DIP2A: variants seen among roughly 807,000 people sequenced by gnomAD.
DIP2A encodes DIP2 acetate--CoA ligase A.
DIP2A carries 85 observed loss-of-function variants against 177.4 expected under a neutral mutation model. That is an observed-to-expected ratio of 0.48 (90% CI 0.40 to 0.57). The LOEUF is 0.57. Among genes scored for constraint, DIP2A ranks in the 20% least tolerant of loss-of-function variants. The pLI is 0.00. For missense variants in DIP2A, 1,791 were observed against 2,100.2 expected (o/e 0.85, Z 2.88); for synonymous variants, 886 against 881.8 (o/e 1.00, Z -0.08).
At chr21:46,506,924 G>A (rs780286859) in intron 6 of DIP2A, among the ~76,000 whole-genome samples, 6 of 149,170 alleles carry the variant, frequency 4.0e-5, no homozygotes, top group Admixed American at 6.8e-5. Context: ...CCTCAGTCTC[G>A]TGAGTAGCTG....
intron 10 of DIP2A, 69 bp downstream of exon 10, chr21:46,532,306 C>A: frequency 2.3e-6 from 3 of 1,298,308 alleles, no homozygotes; most frequent in Non-Finnish European, 3.3e-6. Flanking sequence ...ATCTTACTTC[C>A]TTTTCACTCA....
chr21:46,524,000 C>T (rs867173816), intron 8 of DIP2A, among the ~76,000 whole-genome samples: 1 of 152,192 alleles, frequency 6.6e-6, no homozygotes, highest in Non-Finnish European at 1.5e-5. Flanking sequence ...ATTGCGGCGA[C>T]GCTGAATCAA....
chr21:46,498,583 C>G lies in DIP2A; in HGVS notation c.405C>G (p.Asp135Glu). 4.4e-6 allele frequency: 7 copies of G among 1,605,058 alleles called. No individual in the cohort carries two copies. Among genetic ancestry groups the G allele is most frequent in the Non-Finnish European group, 6.0e-6 (7 of 1,174,210 alleles). The change falls in exon 5 of 38, where the codon GAC becomes GAG. Residue 135 changes from aspartate to glutamate, a missense_variant and splice_region_variant. Asp to Glu is a conservative substitution (Grantham distance 45). Transcript: ENST00000417564. This position sits in a 1 kb window ranked among gnomAD's most constrained non-coding sequence, Gnocchi z 4.3. ...HSSVETYTPP[D>E]TSSASEDEGS... is the part of the protein sequence containing the mutation. ...CTGTCATCGTTATTTTAACCACAGA[C>G]ACGTCGTCTGCCTCAGAAGATGAGG...
At chr21:46,476,767 C>T (rs1298370037) in intron 1 of DIP2A, among the ~76,000 whole-genome samples, 3 of 151,744 alleles carry the variant, frequency 2.0e-5, no homozygotes, top group Admixed American at 6.6e-5. Flanking sequence ...AGTGATTCTC[C>T]AGTCTCAGCC....
chr21:46,543,019 T>C (rs2148824030), intron 18 of DIP2A, among the ~76,000 whole-genome samples: 1 of 152,318 alleles, frequency 6.6e-6, no homozygotes, highest in East Asian at 1.9e-4. Context: ...AGATGCTGGG[T>C]CCTCATTGAA....
chr21:46,577,742 A>G, the DIP2A span, among the ~76,000 whole-genome samples: 1 of 152,110 alleles, frequency 6.6e-6, no homozygotes, highest in Admixed American at 6.5e-5. Context: ...CATTTTCACG[A>G]TATTGATTCT....
Position 46,551,860 on chromosome 21 carries a change from C to A in DIP2A, c.2986C>A (p.His996Asn). Reference protein sequence around the residue: ...FLADVLQWRAHTTPDHPLFLL... With the variant: ...FLADVLQWRANTTPDHPLFLL... ...GGCTGACGTGCTGCAGTGGCGTGCCCACACCACTCCTGACCACCCGCTGTT... is the reference window on the plus strand; with the variant it reads ...GGCTGACGTGCTGCAGTGGCGTGCCAACACCACTCCTGACCACCCGCTGTT... Residue 996 changes from histidine to asparagine, a missense_variant, in exon 25 of 38, where the codon CAC becomes AAC. Transcript: ENST00000417564. 6.2e-7 allele frequency: 1 copy of A among 1,611,616 alleles called. No individual in the cohort carries two copies. Among genetic ancestry groups the A allele is most frequent in the Non-Finnish European group, 8.5e-7 (1 of 1,179,008 alleles).
rs765532031 is a variant in DIP2A at position 46,532,131 on chromosome 21, C to T, written c.1199C>T (p.Ala400Val). ...EPLLKPGDRVALVFPNSDPVM... is the reference protein window; with the variant it reads ...EPLLKPGDRVVLVFPNSDPVM... ...CATTTCTTTGTCCTGTTGTAGGTGG[C>T]GCTCGTGTTTCCGAATAGTGACCCT... Residue 400 changes from alanine to valine, a missense_variant, in exon 10 of 38, where the codon GCG becomes GTG. Ala to Val is a moderately conservative substitution (Grantham distance 64, BLOSUM62 0). Transcript: ENST00000417564. 1.1e-5 allele frequency: 17 copies of T among 1,612,898 alleles called. No homozygotes were observed. The highest frequency in any genetic ancestry group is 4.5e-5 in the East Asian group (2 of 44,874).
At chr21:46,503,879 C>T (rs1038700243) in intron 5 of DIP2A, among the ~76,000 whole-genome samples, 1 of 152,150 alleles carries the variant, frequency 6.6e-6, no homozygotes. Flanking sequence ...GCATGTGCCA[C>T]GACGCCCGGC....
chr21:46,537,535 T>G lies in DIP2A; in HGVS notation c.1797T>G (p.Tyr599Ter). The G allele has an allele frequency of 1.9e-6, 3 of 1,614,206 alleles. No homozygotes were observed. The highest frequency in any genetic ancestry group is 2.5e-6 in the Non-Finnish European group (3 of 1,180,020). Residue 599 changes from tyrosine to a stop codon, truncating the protein, a stop_gained, in exon 15 of 38, where the codon TAT (tyrosine) becomes TAG (stop). Transcript: ENST00000417564. LOFTEE classifies it high-confidence loss of function. The surrounding 1 kb of genome is among the most constrained non-coding windows in gnomAD (Gnocchi z 4.1). ...CCTGGATCCAGAAAGTGTGCTTCTA[T>G]AAAGGTAACGGATACCATGGTCAGG... Reference protein sequence around the residue: ...PLSWIQKVCFYKARAALVKSR... With the variant: ...PLSWIQKVCF
chr21:46,464,237 C>CA (rs1269469319), intron 1 of DIP2A, among the ~76,000 whole-genome samples: 1 of 151,514 alleles, frequency 6.6e-6, no homozygotes, highest in Non-Finnish European at 1.5e-5. Flanking sequence ...CTACTAAATA[C>CA]AAAAAATTAG....
intron 1 of DIP2A, among the ~76,000 whole-genome samples, chr21:46,481,696 A>G (rs1290169373): frequency 6.6e-6 from 1 of 152,200 alleles, no homozygotes; most frequent in Admixed American, 6.5e-5. Flanking sequence ...TGTGTTTCCT[A>G]ACAGAAGGAA....
intron 19 of DIP2A, 66 bp downstream of exon 19, chr21:46,545,339 G>A: frequency 6.5e-7 from 1 of 1,533,146 alleles, no homozygotes; most frequent in Non-Finnish European, 8.9e-7. Context: ...GGTCCCAGGT[G>A]TGCTGGGTGC....
rs914483650 is a variant in DIP2A at position 46,516,783 on chromosome 21, G to A, written c.1102+5169G>A. 3.9e-5 allele frequency among the ~76,000 whole-genome samples: 6 copies of A among 151,938 alleles called. No individual in the cohort carries two copies. The South Asian group carries it at 6.3e-4, about 16-fold the overall frequency. ...GCTGGGATTACAGCCATGAGCCACC[G>A]CTCTTGGCCCTGAAATTTCTAATCT... On this transcript the variant is annotated intron_variant, in intron 8 of 37. Transcript: ENST00000417564.
chr21:46,498,863 C>G lies in DIP2A; in HGVS notation c.655+30C>G. 1 of 1,585,472 alleles carries G rather than the reference C, an allele frequency of 6.3e-7. No individual in the cohort carries two copies. Among genetic ancestry groups the G allele is most frequent in the Non-Finnish European group, 8.6e-7 (1 of 1,163,508 alleles). On this transcript the variant is annotated intron_variant, in intron 5 of 37. Coordinates refer to ENST00000417564, the MANE Select transcript of DIP2A (RefSeq NM_015151.4). The surrounding 1 kb of genome is among the most constrained non-coding windows in gnomAD (Gnocchi z 4.3). ...GTAATAAGCTGCTGCGGCCCCTGTG[C>G]CAGCAGAGCGGGGTCAGGAGTGTCC...
rs2060407184 is a variant in DIP2A, at chr21:46,554,886, C to G, written c.3341C>G (p.Ala1114Gly). 1 of 1,550,500 alleles carries G rather than the reference C, an allele frequency of 6.4e-7. No individual in the cohort carries two copies. The highest frequency in any genetic ancestry group is 8.7e-7 in the Non-Finnish European group (1 of 1,148,216). The stretch of plus-strand genomic sequence containing the variant: ...ACACGGCTGCTCAGGTCCAAGGAGG[C>G]TGCTGCTGCCGTGGACATCAGGACC... ...AVTRLLRSKE[A>G]AAAVDIRTWP... The change falls in exon 28 of 38, where the codon GCT becomes GGT. Residue 1114 changes from alanine (A) to glycine (G), a missense_variant. Coordinates refer to ENST00000417564, the MANE Select transcript of DIP2A (RefSeq NM_015151.4).
intron 1 of DIP2A, among the ~76,000 whole-genome samples, chr21:46,470,254 C>T (rs1287533465): frequency 1.3e-5 from 2 of 152,218 alleles, no homozygotes; most frequent in East Asian, 3.9e-4. Context: ...GCGGGCGGAT[C>T]ACCTGGGGTT....
intron 5 of DIP2A, among the ~76,000 whole-genome samples, chr21:46,499,054 T>G (rs1450033612): frequency 2.6e-5 from 4 of 152,240 alleles, no homozygotes; most frequent in Non-Finnish European, 5.9e-5. Context: ...TAATTGCACT[T>G]GAAAGAAATG....
At position 46,529,025 on chromosome 21, in the gene DIP2A, C is replaced by G. The variant is rs907452571; in HGVS notation, c.1103-67C>G. ...GGTATATTTCGGGGTATTTTGGTTT[C>G]TACATTAAAATGTTAATTACTTGTT... On this transcript the variant is annotated intron_variant, in intron 8 of 37. Transcript: ENST00000417564. The G allele has an allele frequency of 3.3e-5, 35 of 1,065,140 alleles. No homozygotes were observed. In the African/African-American group the frequency reaches 5.3e-4, roughly 16 times the overall value. The allele number at this position is 1,065,140 out of a possible 1,614,324, so 66.0% of individuals were successfully genotyped here. A position where few individuals can be genotyped will look rare whatever the true frequency, so the allele number is the denominator to read the frequency against.
Sources: gnomAD v4.1 joint callset for allele counts (sites outside exome capture counted in the v4.1 genomes callset) on GRCh38, gnomAD v4.1.1 for gene constraint, Gnocchi (gnomAD v3.1) non-coding constraint, MANE v1.5 for transcripts, NCBI Gene and HGNC (gene_info 2026-07-23, HGNC 2026-07-21) for gene names.